Variants in RGS20 observed in about 807,000 individuals in gnomAD.
The protein encoded by RGS20 is regulator of G protein signaling 20.
RGS20 carries 30 observed loss-of-function variants against 33.6 expected under a neutral mutation model. The ratio of observed to expected loss-of-function variants is 0.89; its 90% CI spans 0.67 to 1.21. RGS20 has a LOEUF of 1.21. Among genes scored for constraint, RGS20 ranks in the 50% most tolerant of loss-of-function variants. The pLI, the probability that RGS20 is intolerant of heterozygous loss-of-function variation, is 0.00. For synonymous variants in RGS20, 208 were observed against 197.9 expected, an observed-to-expected ratio of 1.05 and a Z score of -0.43; for missense variants, 472 against 502.4, an observed-to-expected ratio of 0.94 and a Z score of 0.58.
intron 3 of RGS20, chr8:53,945,242 T>C (rs952766528): frequency 6.6e-6 from 1 of 152,232 alleles, no homozygotes; most frequent in Admixed American, 6.5e-5. Flanking sequence ...AAATGTGATG[T>C]GTCTATCCAA....
At chr8:53,930,707 A>T (rs1019815084) in intron 2 of RGS20, among the ~76,000 whole-genome samples, 1 of 152,094 alleles carries the variant, frequency 6.6e-6, no homozygotes, top group African/African-American at 2.4e-5. Flanking sequence ...CACCACACTC[A>T]GCTAATTTTT....
At chr8:53,886,526 T>C (rs530594583) in intron 2 of RGS20, among the ~76,000 whole-genome samples, 86 of 152,360 alleles carry the variant, frequency 5.6e-4, no homozygotes, top group African/African-American at 2.0e-3. Flanking sequence ...GCTCAATTTC[T>C]AGTTACGCAT....
At chr8:53,928,072 A>C (rs1441992592) in intron 2 of RGS20, among the ~76,000 whole-genome samples, 1 of 152,068 alleles carries the variant, frequency 6.6e-6, no homozygotes, top group Non-Finnish European at 1.5e-5. Flanking sequence ...ACCTAAATAG[A>C]TTTTTTTTAA....
At chr8:53,892,983 C>T (rs11985444) in intron 2 of RGS20, among the ~76,000 whole-genome samples, 13,795 of 152,108 alleles carry the variant, frequency 0.091, 1,855 homozygotes, top group African/African-American at 0.29. Context: ...AAAATGACCT[C>T]CTGAAACTGA....
chr8:53,923,328 C>T (rs1425517887), intron 2 of RGS20, among the ~76,000 whole-genome samples: 1 of 152,112 alleles, frequency 6.6e-6, no homozygotes, highest in African/African-American at 2.4e-5. Context: ...GGCCTGGTGG[C>T]TCACATTTGT....
chr8:53,949,622 A>G (rs1015685635), intron 4 of RGS20, among the ~76,000 whole-genome samples: 1 of 151,520 alleles, frequency 6.6e-6, no homozygotes, highest in Non-Finnish European at 1.5e-5. Context: ...AGGTTGAGGC[A>G]GGGAGAATTG....
chr8:53,936,116 T>C (rs1814123044), intron 2 of RGS20, among the ~76,000 whole-genome samples: 1 of 152,182 alleles, frequency 6.6e-6, no homozygotes, highest in Non-Finnish European at 1.5e-5. Flanking sequence ...ACAAGACCTA[T>C]TTATGACACA....
chr8:53,942,648 C>T (rs557463753), intron 3 of RGS20, among the ~76,000 whole-genome samples: 1 of 151,854 alleles, frequency 6.6e-6, no homozygotes, highest in South Asian at 2.1e-4. Context: ...GTTATACAAT[C>T]CACTACCATA....
chr8:53,938,684 T>C (rs1158919510), intron 2 of RGS20, among the ~76,000 whole-genome samples: 2 of 152,224 alleles, frequency 1.3e-5, no homozygotes, highest in Non-Finnish European at 2.9e-5. Flanking sequence ...TTTATGGTTC[T>C]TTAATGTGTC....
At chr8:53,955,300 G>C (rs1232457793) in intron 5 of RGS20, among the ~76,000 whole-genome samples, 1 of 151,812 alleles carries the variant, frequency 6.6e-6, no homozygotes. Context: ...ATTTGACACT[G>C]AACACTGTTT....
intron 1 of RGS20, among the ~76,000 whole-genome samples, chr8:53,874,387 TG>T (rs2065908153): frequency 6.8e-6 from 1 of 147,944 alleles, no homozygotes; most frequent in African/African-American, 2.6e-5. Flanking sequence ...TGTGTGTGTG[TG>T]TGTGTGTGTG....
intron 3 of RGS20, among the ~76,000 whole-genome samples, chr8:53,946,021 A>G (rs1447131470): frequency 2.6e-5 from 4 of 152,210 alleles, no homozygotes; most frequent in Non-Finnish European, 4.4e-5. Context: ...TGTGTATAAG[A>G]AAACAAACTC....
chr8:53,902,443 A>G (rs73587687), intron 2 of RGS20, among the ~76,000 whole-genome samples: 10,288 of 152,308 alleles, frequency 0.068, 1,047 homozygotes, highest in African/African-American at 0.22. Flanking sequence ...GGGGTCAGCC[A>G]AAACACATTC....
chr8:53,905,181 AG>A (rs2129281942), intron 2 of RGS20, among the ~76,000 whole-genome samples: 1 of 152,350 alleles, frequency 6.6e-6, no homozygotes, highest in South Asian at 2.1e-4. Flanking sequence ...TTAAGCTTCC[AG>A]TTGACTTCCC....
chr8:53,949,493 G>A (rs1448598916), intron 4 of RGS20, among the ~76,000 whole-genome samples: 1 of 151,878 alleles, frequency 6.6e-6, no homozygotes, highest in Non-Finnish European at 1.5e-5. Flanking sequence ...AAAGCATGCG[G>A]ATCACCTGAG....
At chr8:53,897,609 C>T (rs1372667610) in intron 2 of RGS20, among the ~76,000 whole-genome samples, 1 of 152,174 alleles carries the variant, frequency 6.6e-6, no homozygotes, top group African/African-American at 2.4e-5. Context: ...AACCATAGTA[C>T]ATTCTTTCTT....
At chr8:53,933,943 G>T (rs762156632) in intron 2 of RGS20, among the ~76,000 whole-genome samples, 11 of 152,018 alleles carry the variant, frequency 7.2e-5, no homozygotes, top group Non-Finnish European at 1.6e-4. Context: ...AAGAGAGTGG[G>T]GTCCAATATT....
At chr8:53,953,886 G>C (rs1020954323) in intron 4 of RGS20, among the ~76,000 whole-genome samples, 190 bp from the exon 4 acceptor site, 2 of 152,128 alleles carry the variant, frequency 1.3e-5, no homozygotes, top group Non-Finnish European at 2.9e-5. Flanking sequence ...CAAAAAATTT[G>C]AAAGTATCAT....
chr8:53,905,790 T>A (rs564079257), intron 2 of RGS20, among the ~76,000 whole-genome samples: 2 of 152,254 alleles, frequency 1.3e-5, no homozygotes, highest in Admixed American at 6.5e-5. Context: ...AATTCTTGAA[T>A]GAGAATCTAG....
Sources: gnomAD v4.1 joint callset for allele counts (sites outside exome capture counted in the v4.1 genomes callset) on GRCh38, gnomAD v4.1.1 for gene constraint, MANE v1.5 for transcripts, NCBI Gene and HGNC (gene_info 2026-07-23, HGNC 2026-07-21) for gene names.